SGCZ: variants seen among roughly 807,000 people sequenced by gnomAD.
SGCZ encodes the protein zeta-sarcoglycan.
SGCZ carries 40 observed loss-of-function variants against 41.3 expected under a neutral mutation model. The ratio of observed to expected loss-of-function variants is 0.97; its 90% CI spans 0.75 to 1.26. The LOEUF is 1.26. SGCZ is among the 50% of genes most tolerant of loss of function. The pLI is 0.00. For missense variants in SGCZ, 552 were observed against 369.8 expected (o/e 1.49, Z -4.04); for synonymous variants, 206 against 137.5 (o/e 1.50, Z -3.49).
chr8:14,608,683 G>T (rs1805831933), intron 1 of SGCZ, among the ~76,000 whole-genome samples: 1 of 151,944 alleles, frequency 6.6e-6, no homozygotes, highest in Non-Finnish European at 1.5e-5. Context: ...GGGTCATGGG[G>T]GTGGATTCCT....
At chr8:14,138,602 A>T (rs1455306184) in intron 5 of SGCZ, among the ~76,000 whole-genome samples, 2 of 152,230 alleles carry the variant, frequency 1.3e-5, no homozygotes, top group African/African-American at 4.8e-5. Context: ...GAAGGGCATT[A>T]CATAATGGTA....
At chr8:14,580,610 A>T in intron 1 of SGCZ, among the ~76,000 whole-genome samples, 1 of 152,300 alleles carries the variant, frequency 6.6e-6, no homozygotes, top group Admixed American at 6.5e-5. Flanking sequence ...ATACAACTGG[A>T]CTTTTTATAA....
chr8:14,862,263 C>G (rs1001592361), intron 1 of SGCZ, among the ~76,000 whole-genome samples: 1 of 151,700 alleles, frequency 6.6e-6, no homozygotes, highest in Non-Finnish European at 1.5e-5. Flanking sequence ...TAGTGATTAC[C>G]TACTTCTGAG....
At chr8:14,386,720 A>G (rs924375104) in intron 2 of SGCZ, among the ~76,000 whole-genome samples, 1 of 152,208 alleles carries the variant, frequency 6.6e-6, no homozygotes. Flanking sequence ...TTCATATTTC[A>G]AAAATCTTAA....
chr8:15,006,028 A>T (rs966127091), intron 1 of SGCZ, among the ~76,000 whole-genome samples: 1 of 152,190 alleles, frequency 6.6e-6, no homozygotes, highest in African/African-American at 2.4e-5. Flanking sequence ...TTATTTTGTC[A>T]TTGACGGTAA....
chr8:14,294,503 A>T (rs1339914438), intron 3 of SGCZ, among the ~76,000 whole-genome samples: 2 of 151,968 alleles, frequency 1.3e-5, no homozygotes, highest in African/African-American at 2.4e-5. Context: ...TCTTACATAA[A>T]TTTTTTTAGA....
At chr8:14,235,278 C>G (rs114969966) in intron 4 of SGCZ, among the ~76,000 whole-genome samples, 1 of 152,116 alleles carries the variant, frequency 6.6e-6, no homozygotes, top group Non-Finnish European at 1.5e-5. Flanking sequence ...ATATGCAAAC[C>G]AGCAAAAATA....
chr8:15,208,201 C>CT (rs1563184433), intron 1 of SGCZ, among the ~76,000 whole-genome samples: 1 of 152,172 alleles, frequency 6.6e-6, no homozygotes, highest in Admixed American at 6.5e-5. Flanking sequence ...AGACAGTAAT[C>CT]CTCAGGGTTT....
chr8:15,083,017 G>C (rs1446323052), intron 1 of SGCZ, among the ~76,000 whole-genome samples: 4 of 151,352 alleles, frequency 2.6e-5, no homozygotes, highest in African/African-American at 9.8e-5. Flanking sequence ...ACAAATTTCT[G>C]CATGAAAACA....
Position 15,125,002 on chromosome 8 carries a change from T to C in SGCZ, c.39+112583A>G, listed in dbSNP as rs570566982. On this transcript the variant is annotated intron_variant, in intron 1 of 7. Transcript: ENST00000382080. ...AGAGGAAATGCTTAAAGGTTATATA[T>C]AGTAACCTTTTATGCACATTATGAA... 5.3e-5 allele frequency among the ~76,000 whole-genome samples: 8 copies of C among 152,236 alleles called. No individual in the cohort carries two copies. The East Asian group carries it at 5.8e-4, about 11-fold the overall frequency.
intron 1 of SGCZ, among the ~76,000 whole-genome samples, chr8:14,705,099 T>C (rs1363129712): frequency 6.6e-6 from 1 of 151,926 alleles, no homozygotes; most frequent in Non-Finnish European, 1.5e-5. Flanking sequence ...ACTGTCCAAA[T>C]GAAGATTAGC....
At chr8:14,194,912 C>A (rs543563637) in intron 4 of SGCZ, among the ~76,000 whole-genome samples, 3 of 152,014 alleles carry the variant, frequency 2.0e-5, no homozygotes, top group Non-Finnish European at 4.4e-5. Context: ...TTACACCTAG[C>A]AATGCTATGA....
intron 1 of SGCZ, among the ~76,000 whole-genome samples, chr8:15,089,752 C>T (rs546686743): frequency 5.9e-5 from 9 of 152,138 alleles, no homozygotes; most frequent in South Asian, 2.1e-4. Context: ...CTTACAGCTG[C>T]GTCATGTACA....
At chr8:14,426,434 G>T (rs1799784573) in intron 2 of SGCZ, among the ~76,000 whole-genome samples, 1 of 145,562 alleles carries the variant, frequency 6.9e-6, no homozygotes, top group South Asian at 2.1e-4. Context: ...TGTTGGTGGT[G>T]CAAGTCAATG....
intron 2 of SGCZ, among the ~76,000 whole-genome samples, chr8:14,391,279 C>G (rs1320005874): frequency 6.6e-6 from 1 of 152,096 alleles, no homozygotes; most frequent in African/African-American, 2.4e-5. Flanking sequence ...GTTAAAACTT[C>G]TTTAACTTGG....
At chr8:14,731,560 C>A (rs60167334) in intron 1 of SGCZ, among the ~76,000 whole-genome samples, 2 of 151,932 alleles carry the variant, frequency 1.3e-5, no homozygotes, top group African/African-American at 2.4e-5. Flanking sequence ...AAAAAGAATG[C>A]GTGCCTGTTT....
intron 3 of SGCZ, among the ~76,000 whole-genome samples, chr8:14,283,584 C>A (rs1220625438): frequency 2.0e-5 from 3 of 152,120 alleles, no homozygotes; most frequent in African/African-American, 7.2e-5. Context: ...TCACGTTAAA[C>A]CCTTGTGGGT....
intron 1 of SGCZ, among the ~76,000 whole-genome samples, chr8:15,189,043 G>A (rs1333488378): frequency 6.6e-6 from 1 of 152,086 alleles, no homozygotes; most frequent in Non-Finnish European, 1.5e-5. Flanking sequence ...ACTATTAAAA[G>A]CTTGGTACAC....
chr8:14,207,116 C>A (rs1300532480), intron 4 of SGCZ, among the ~76,000 whole-genome samples: 2 of 22,250 alleles, frequency 9.0e-5, no homozygotes, highest in African/African-American at 1.0e-3. Context: ...TGTAAAGAAT[C>A]ATTTTTCAAG....
Sources: allele counts gnomAD v4.1 joint callset (sites outside exome capture counted in the v4.1 genomes callset), GRCh38; gene constraint gnomAD v4.1.1; transcripts MANE v1.5; gene names NCBI Gene and HGNC (gene_info 2026-07-23, HGNC 2026-07-21).